Variants in PCDH9 observed in about 807,000 individuals in gnomAD.
PCDH9 encodes the protein protocadherin 9.
Under a neutral mutation model 70.6 loss-of-function variants are expected in PCDH9, and 24 were observed. The ratio of observed to expected loss-of-function variants is 0.34; its 90% CI spans 0.25 to 0.48. PCDH9 has a LOEUF of 0.48. Among genes scored for constraint, PCDH9 ranks in the 20% least tolerant of loss-of-function variants. PCDH9 has a pLI of 0.99. For missense variants in PCDH9, 1,281 were observed against 1,503.6 expected (o/e 0.85, Z 2.45); for synonymous variants, 562 against 558.5 (o/e 1.01, Z -0.09).
intron 4 of PCDH9, among the ~76,000 whole-genome samples, chr13:66,588,290 C>T (rs1301292526): frequency 2.0e-5 from 3 of 151,888 alleles, no homozygotes; most frequent in Non-Finnish European, 4.4e-5. Flanking sequence ...TTTACCTTAC[C>T]TCAAAGGCCT....
intron 3 of PCDH9, among the ~76,000 whole-genome samples, chr13:66,820,833 T>C (rs1329277631): frequency 6.6e-6 from 1 of 152,110 alleles, no homozygotes; most frequent in Non-Finnish European, 1.5e-5. Flanking sequence ...CACTAGGGCC[T>C]GTTTGAGGGT....
At chr13:66,512,005 A>ATC (rs1959497604) in intron 4 of PCDH9, among the ~76,000 whole-genome samples, 1 of 152,130 alleles carries the variant, frequency 6.6e-6, no homozygotes, top group African/African-American at 2.4e-5. Flanking sequence ...GATGTTTAAA[A>ATC]TCTCCATTTT....
chr13:66,425,851 A>T (rs1957659212), intron 4 of PCDH9, among the ~76,000 whole-genome samples: 1 of 151,726 alleles, frequency 6.6e-6, no homozygotes, highest in Admixed American at 6.6e-5. Context: ...AACTGTCCTG[A>T]GAAAAGTCTA....
rs139335992 is a variant in PCDH9 at position 67,177,527 on chromosome 13, C to T, written c.3036+47878G>A. On this transcript the variant is annotated intron_variant, in intron 2 of 4. Transcript: ENST00000377865. ...TTGACCCTCTTTCCTTTGTTGATCT[C>T]TTTGATAACACTGTCTTTCCATTTC... Among the ~76,000 whole-genome samples, 845 of 152,160 alleles carry T rather than the reference C, an allele frequency of 5.6e-3. 8 individuals are homozygous for T. Among genetic ancestry groups the T allele is most frequent in the African/African-American group, 0.019 (790 of 41,550 alleles).
At chr13:67,035,251 C>T (rs2084987183) in intron 2 of PCDH9, among the ~76,000 whole-genome samples, 4 of 152,042 alleles carry the variant, frequency 2.6e-5, no homozygotes, top group Admixed American at 2.6e-4. Context: ...TGTCTCTTGT[C>T]AAAAGTTCAT....
At chr13:66,997,209 A>G (rs934682403) in intron 2 of PCDH9, among the ~76,000 whole-genome samples, 2 of 152,220 alleles carry the variant, frequency 1.3e-5, no homozygotes, top group African/African-American at 4.8e-5. Context: ...AAAGAGGCTT[A>G]TCTGGCTCAT....
intron 4 of PCDH9, among the ~76,000 whole-genome samples, chr13:66,453,751 TC>T (rs2138434184): frequency 6.6e-6 from 1 of 152,228 alleles, no homozygotes; most frequent in South Asian, 2.1e-4. Context: ...AATGAGGACA[TC>T]AATGGATTCT....
chr13:66,448,216 G>A (rs1958135353), intron 4 of PCDH9, among the ~76,000 whole-genome samples: 1 of 152,162 alleles, frequency 6.6e-6, no homozygotes, highest in Non-Finnish European at 1.5e-5. Flanking sequence ...TCATCGTGTA[G>A]TATTTTCTGA....
chr13:66,839,007 CATA>C (rs1452663492), intron 3 of PCDH9, among the ~76,000 whole-genome samples: 2 of 151,916 alleles, frequency 1.3e-5, no homozygotes, highest in African/African-American at 4.8e-5. Context: ...AAGTGAAAAA[CATA>C]ATAATGAAAT....
At chr13:66,812,033 C>T (rs115870032) in intron 3 of PCDH9, among the ~76,000 whole-genome samples, 1,540 of 152,072 alleles carry the variant, frequency 0.01, 26 homozygotes, top group African/African-American at 0.035. Context: ...AAACAGTAAA[C>T]GTTGCACCAA....
At chr13:66,881,402 A>C (rs1566263598) in intron 3 of PCDH9, among the ~76,000 whole-genome samples, 3 of 152,134 alleles carry the variant, frequency 2.0e-5, no homozygotes, top group African/African-American at 7.2e-5. Flanking sequence ...TGTGAAGGGC[A>C]ACTCCCACTT....
chr13:66,491,457 G>A (rs1353414469), intron 4 of PCDH9, among the ~76,000 whole-genome samples: 1 of 149,394 alleles, frequency 6.7e-6, no homozygotes, highest in African/African-American at 2.5e-5. Flanking sequence ...TATGTAGTGA[G>A]GAACTACAGT....
chr13:66,927,957 T>C (rs1320269432), intron 2 of PCDH9, among the ~76,000 whole-genome samples: 1 of 152,098 alleles, frequency 6.6e-6, no homozygotes, highest in Non-Finnish European at 1.5e-5. Context: ...TCACCATTGA[T>C]CAAATAATAC....
At chr13:67,137,968 T>C (rs2087276366) in intron 2 of PCDH9, among the ~76,000 whole-genome samples, 1 of 152,196 alleles carries the variant, frequency 6.6e-6, no homozygotes, top group African/African-American at 2.4e-5. Context: ...ATTCCAGTCT[T>C]ATTTTCAGTA....
At position 66,499,777 on chromosome 13, in the gene PCDH9, G is replaced by T. The variant is rs141894013; in HGVS notation, c.3340+131433C>A. Among the ~76,000 whole-genome samples the T allele has an allele frequency of 4.6e-3, 694 of 152,286 alleles. 14 individuals carry two copies. The highest frequency in any genetic ancestry group is 5.9e-3 in the Non-Finnish European group (404 of 68,020). ...GTGCTGCAGATGGGACTTAGTTGGA[G>T]GTATTGGATCATGGAGATGGATCCT... On this transcript the variant is annotated intron_variant, in intron 4 of 4. Coordinates refer to ENST00000377865, the MANE Select transcript of PCDH9 (RefSeq NM_203487.3).
intron 3 of PCDH9, among the ~76,000 whole-genome samples, chr13:66,883,898 ATTTTTTTTTTTTTT>A (rs539703609): frequency 9.2e-6 from 1 of 108,172 alleles, no homozygotes; most frequent in Non-Finnish European, 1.9e-5. Flanking sequence ...TTGAGCGTTC[ATTTTTTTTTTTTTT>A]TTTTTTTTGA....
intron 2 of PCDH9, among the ~76,000 whole-genome samples, chr13:66,907,359 C>T (rs1217043067): frequency 6.6e-6 from 1 of 152,134 alleles, no homozygotes; most frequent in East Asian, 1.9e-4. Context: ...GTAAATCAAA[C>T]TTGAGAAGTC....
intron 4 of PCDH9, among the ~76,000 whole-genome samples, chr13:66,566,449 A>G (rs1348734923): frequency 6.6e-6 from 1 of 152,146 alleles, no homozygotes; most frequent in African/African-American, 2.4e-5. Context: ...TGTTTTCTAT[A>G]TATATATGTG....
At chr13:66,855,878 T>G (rs1448416399) in intron 3 of PCDH9, among the ~76,000 whole-genome samples, 1 of 151,970 alleles carries the variant, frequency 6.6e-6, no homozygotes, top group Admixed American at 6.6e-5. Flanking sequence ...ATTTTTATCA[T>G]GGATAAGATC....
Sources: gnomAD v4.1 joint callset for allele counts (sites outside exome capture counted in the v4.1 genomes callset) on GRCh38, gnomAD v4.1.1 for gene constraint, MANE v1.5 for transcripts, NCBI Gene and HGNC (gene_info 2026-07-23, HGNC 2026-07-21) for gene names.